The following GAS2 variants were observed in gnomAD, a reference collection of about 807,000 sequenced individuals.
GAS2 encodes growth arrest specific 2.
In GAS2, 20 loss-of-function variants were observed where a neutral mutation model predicts 37.5. That is an observed-to-expected ratio of 0.53 (90% confidence interval 0.37 to 0.77). The LOEUF (loss-of-function observed/expected upper bound fraction) is 0.77, where lower values mean the gene tolerates loss of function less well. Ranked by LOEUF, GAS2 falls within the 30% of genes least tolerant of loss-of-function variation. The pLI, the probability that GAS2 is intolerant of heterozygous loss-of-function variation, is 0.00. For synonymous variants in GAS2, 144 were observed against 132.2 expected, an observed-to-expected ratio of 1.09 and a Z score of -0.61; for missense variants, 336 against 373.4, an observed-to-expected ratio of 0.90 and a Z score of 0.82.
At chr11:22,705,740 T>C (rs1365419170) in intron 3 of GAS2, among the ~76,000 whole-genome samples, 1 of 152,196 alleles carries the variant, frequency 6.6e-6, no homozygotes, top group African/African-American at 2.4e-5. Context: ...GCTTCATGCC[T>C]TTGTGGATTA....
intron 1 of GAS2, among the ~76,000 whole-genome samples, chr11:22,653,459 C>T (rs963264497): frequency 6.6e-6 from 1 of 152,044 alleles, no homozygotes; most frequent in Non-Finnish European, 1.5e-5. Flanking sequence ...GTGAAAATAG[C>T]AAATATGTTG....
chr11:22,691,096 G>C (rs12290727), intron 3 of GAS2, among the ~76,000 whole-genome samples: 3,529 of 151,924 alleles, frequency 0.023, 137 homozygotes, highest in African/African-American at 0.077. Context: ...GTTAGATCAA[G>C]TTTGAAGCAG....
chr11:22,744,992 A>G (rs1218459745), intron 5 of GAS2, among the ~76,000 whole-genome samples: 2 of 152,074 alleles, frequency 1.3e-5, no homozygotes, highest in East Asian at 3.9e-4. Context: ...AAACAAAGGA[A>G]GAACCAATAT....
At chr11:22,746,656 C>A (rs1260287188) in intron 5 of GAS2, among the ~76,000 whole-genome samples, 1 of 152,058 alleles carries the variant, frequency 6.6e-6, no homozygotes, top group East Asian at 1.9e-4. Context: ...ACACTGGGTA[C>A]TCATGGACAT....
chr11:22,667,083 A>G (rs1294293143), intron 1 of GAS2, 184 bp downstream of exon 1: 1 of 152,276 alleles, frequency 6.6e-6, no homozygotes, highest in Non-Finnish European at 1.5e-5. Flanking sequence ...ACAGTTGGAC[A>G]GGCTCTTTCT....
At chr11:22,673,195 G>A (rs1008747428) in intron 1 of GAS2, among the ~76,000 whole-genome samples, 4 of 152,064 alleles carry the variant, frequency 2.6e-5, no homozygotes, top group African/African-American at 9.7e-5. Flanking sequence ...AAATATTTGA[G>A]AGATGCTCCC....
At chr11:22,765,404 T>C (rs1295226991) in intron 7 of GAS2, among the ~76,000 whole-genome samples, 1 of 152,200 alleles carries the variant, frequency 6.6e-6, no homozygotes, top group Non-Finnish European at 1.5e-5. Context: ...AAGTCAAAAA[T>C]TTTGTGGAAA....
At chr11:22,667,771 C>T (rs1338835107) in intron 1 of GAS2, among the ~76,000 whole-genome samples, 1 of 152,146 alleles carries the variant, frequency 6.6e-6, no homozygotes, top group Non-Finnish European at 1.5e-5. Context: ...ATTCTAAAAA[C>T]AATTGAGGTT....
intron 1 of GAS2, among the ~76,000 whole-genome samples, chr11:22,647,733 G>A (rs1001517743): frequency 5.9e-5 from 9 of 152,078 alleles, no homozygotes; most frequent in African/African-American, 2.2e-4. Flanking sequence ...TTTGAGAAGT[G>A]TCTGTTCATG....
At chr11:22,641,200 T>TTA (rs370488494) in intron 1 of GAS2, among the ~76,000 whole-genome samples, 69,412 of 135,104 alleles carry the variant, frequency 0.51, 19,366 homozygotes, top group South Asian at 0.75. Context: ...GGTTCTTTCT[T>TTA]TATATATATA....
At chr11:22,725,702 G>A (rs1167855526) in intron 3 of GAS2, among the ~76,000 whole-genome samples, 1 of 152,092 alleles carries the variant, frequency 6.6e-6, no homozygotes, top group African/African-American at 2.4e-5. Flanking sequence ...GGGATTACAG[G>A]CATGAGCCAC....
intron 7 of GAS2, among the ~76,000 whole-genome samples, chr11:22,802,884 A>G (rs1228186839): frequency 1.3e-5 from 2 of 152,042 alleles, no homozygotes; most frequent in Non-Finnish European, 2.9e-5. Context: ...AATACTTACC[A>G]TGTGTTATAA....
chr11:22,805,773 A>G (rs904997658), intron 7 of GAS2, among the ~76,000 whole-genome samples: 4 of 152,184 alleles, frequency 2.6e-5, no homozygotes, highest in African/African-American at 7.2e-5. Flanking sequence ...TTGGTTGCCC[A>G]TATTCTGATT....
rs937733127 is a variant in GAS2 at position 22,812,813 on chromosome 11, A to G, written c.*797A>G. ...TCATGTTATTTCAAAGCATTTTCTT[A>G]TTAAAAATATATCTTTAGTTAATCC... On this transcript the variant is annotated 3_prime_UTR_variant, in exon 8 of 8. Coordinates refer to ENST00000454584, the MANE Select transcript of GAS2 (RefSeq NM_001143830.3). 1 of 152,582 alleles carries G rather than the reference A, an allele frequency of 6.6e-6. No homozygotes were observed. The highest frequency in any genetic ancestry group is 2.4e-5 in the African/African-American group (1 of 41,448). The allele number at this position is 152,582 out of a possible 1,614,324, so 9.5% of individuals were successfully genotyped here.
chr11:22,666,554 C>T (rs1848988827), upstream of GAS2: 1 of 152,280 alleles, frequency 6.6e-6, no homozygotes, highest in Non-Finnish European at 1.5e-5. Flanking sequence ...AATACAATCT[C>T]TCCCCGTTTG....
intron 3 of GAS2, among the ~76,000 whole-genome samples, chr11:22,717,448 A>T (rs1851736129): frequency 6.6e-6 from 1 of 152,184 alleles, no homozygotes; most frequent in Non-Finnish European, 1.5e-5. Flanking sequence ...AACCACATGT[A>T]GAAGAATGAA....
intron 7 of GAS2, among the ~76,000 whole-genome samples, chr11:22,787,574 GA>G (rs1034197392): frequency 1.3e-4 from 20 of 148,610 alleles, no homozygotes; most frequent in Non-Finnish European, 2.2e-4. Context: ...GATTTATTCC[GA>G]AAAAAAAAGA....
At chr11:22,685,262 A>C (rs908904897) in intron 2 of GAS2, among the ~76,000 whole-genome samples, 3 of 152,180 alleles carry the variant, frequency 2.0e-5, no homozygotes, top group African/African-American at 7.2e-5. Context: ...TTGTGGGTCA[A>C]AGTAATTGAA....
intron 3 of GAS2, among the ~76,000 whole-genome samples, chr11:22,725,733 A>G (rs1426375779): frequency 6.6e-6 from 1 of 152,128 alleles, no homozygotes; most frequent in Non-Finnish European, 1.5e-5. Context: ...AAATGTTATC[A>G]TGACATTATT....
Sources: gnomAD v4.1 joint callset for allele counts (sites outside exome capture counted in the v4.1 genomes callset) on GRCh38, gnomAD v4.1.1 for gene constraint, MANE v1.5 for transcripts, NCBI Gene and HGNC (gene_info 2026-07-23, HGNC 2026-07-21) for gene names.